PROS1: variants seen among roughly 807,000 people sequenced by gnomAD.
PROS1 encodes protein S.
A neutral mutation model predicts 75.9 loss-of-function variants in PROS1; 29 were observed. The ratio of observed to expected loss-of-function variants is 0.38; its 90% confidence interval spans 0.28 to 0.52. PROS1 has a LOEUF of 0.52. PROS1 is among the 20% of genes least tolerant of loss of function. The pLI is 0.83. For synonymous variants in PROS1, 245 were observed against 280.6 expected, an observed-to-expected ratio of 0.87 and a Z score of 1.27; for missense variants, 680 against 810.3, an observed-to-expected ratio of 0.84 and a Z score of 1.95.
At chr3:93,906,455 G>A (rs796506280) in intron 4 of PROS1, among the ~76,000 whole-genome samples, 24 of 152,288 alleles carry the variant, frequency 1.6e-4, no homozygotes, top group African/African-American at 4.8e-4. Context: ...CACACTCCCC[G>A]GATGCTGCTG....
At chr3:93,933,952 T>G (rs1709144034) in intron 1 of PROS1, among the ~76,000 whole-genome samples, 1 of 145,496 alleles carries the variant, frequency 6.9e-6, no homozygotes, top group Admixed American at 7.1e-5. Context: ...GAGGGTGCAG[T>G]GAGCTGAGAT....
At chr3:93,911,812 T>C (rs1354476776) in intron 3 of PROS1, among the ~76,000 whole-genome samples, 1 of 152,158 alleles carries the variant, frequency 6.6e-6, no homozygotes, top group Non-Finnish European at 1.5e-5. Flanking sequence ...TTCTATCATA[T>C]TCTGTTGATC....
intron 9 of PROS1, 74 bp downstream of exon 9, chr3:93,896,502 A>T: frequency 1.8e-6 from 2 of 1,112,430 alleles, no homozygotes; most frequent in Middle Eastern, 2.0e-4. Flanking sequence ...ACACACTTCA[A>T]ACCTTTTCGG....
At chr3:93,934,643 A>T (rs1709154828) in intron 1 of PROS1, among the ~76,000 whole-genome samples, 1 of 152,220 alleles carries the variant, frequency 6.6e-6, no homozygotes, top group African/African-American at 2.4e-5. Context: ...GTGGATAAAG[A>T]TTTAAATCCA....
intron 6 of PROS1, among the ~76,000 whole-genome samples, chr3:93,902,604 T>C (rs1456238374): frequency 6.6e-6 from 1 of 151,732 alleles, no homozygotes; most frequent in Non-Finnish European, 1.5e-5. Flanking sequence ...AAATACAAAA[T>C]TGGACAGGCG....
At chr3:93,898,046 T>C (rs1166039453) in intron 8 of PROS1, among the ~76,000 whole-genome samples, 4 of 152,172 alleles carry the variant, frequency 2.6e-5, no homozygotes, top group African/African-American at 9.6e-5. Context: ...TAAGGCATGA[T>C]CAAACTAGTC....
At chr3:93,894,954 G>A (rs116632366) in intron 9 of PROS1, among the ~76,000 whole-genome samples, 441 of 152,094 alleles carry the variant, frequency 2.9e-3, no homozygotes, top group African/African-American at 8.4e-3. Flanking sequence ...ACTATGAATC[G>A]TCAGTGAGAA....
At chr3:93,906,952 G>T (rs1341224557) in intron 4 of PROS1, among the ~76,000 whole-genome samples, 1 of 152,222 alleles carries the variant, frequency 6.6e-6, no homozygotes, top group Non-Finnish European at 1.5e-5. Context: ...GAGCTGAGGG[G>T]CATGCTGAGG....
At chr3:93,926,356 G>A (rs1228958513) in intron 2 of PROS1, among the ~76,000 whole-genome samples, 10 of 152,292 alleles carry the variant, frequency 6.6e-5, no homozygotes, top group Admixed American at 3.9e-4. Context: ...AGTGGGCCGG[G>A]CGCAGTGGCT....
intron 1 of PROS1, among the ~76,000 whole-genome samples, chr3:93,949,481 A>T (rs1709458478): frequency 1.3e-5 from 2 of 152,196 alleles, no homozygotes; most frequent in South Asian, 4.1e-4. Context: ...AATAGCAAAA[A>T]TGTCTGCATC....
chr3:93,918,303 A>G (rs1271160864), intron 3 of PROS1, among the ~76,000 whole-genome samples: 1 of 152,112 alleles, frequency 6.6e-6, no homozygotes, highest in Non-Finnish European at 1.5e-5. Context: ...TCGCTCTATC[A>G]ATCAGCAGGA....
rs199797185 is a variant in PROS1 at position 93,893,032 on chromosome 3, A to G, written c.1056T>C (p.Ile352=). ...ESIDHSAWLL[I]ALRGGKIEVQ... ...CTTCAATCTTTCCACCACGAAGTGC[A>G]ATCAGGAGCCACGCTGAGTGATCGA... is the stretch of plus-strand genomic sequence containing the variant. The change falls in exon 10 of 15, where the codon ATT becomes ATC. Residue 352 remains isoleucine (I), a synonymous_variant. Transcript: ENST00000394236. The G allele has an allele frequency of 1.9e-6, 3 of 1,614,000 alleles. No individual in the cohort carries two copies. In the South Asian group the frequency reaches 3.3e-5, roughly 18 times the overall value.
intron 1 of PROS1, among the ~76,000 whole-genome samples, chr3:93,962,721 C>A (rs1709725434): frequency 6.6e-6 from 1 of 152,164 alleles, no homozygotes; most frequent in African/African-American, 2.4e-5. Context: ...CCAAAGCTTT[C>A]ATTCCTTCCC....
chr3:93,884,633 T>C (rs1455107888), intron 12 of PROS1, 95 bp downstream of exon 12: 2 of 1,352,122 alleles, frequency 1.5e-6, no homozygotes, highest in Admixed American at 3.6e-5. Flanking sequence ...ACACAGTAGA[T>C]ACTCAATAAT....
intron 1 of PROS1, among the ~76,000 whole-genome samples, chr3:93,931,521 T>A (rs969360327): frequency 3.3e-5 from 5 of 152,222 alleles, no homozygotes; most frequent in African/African-American, 1.2e-4. Context: ...GTCTACCTAC[T>A]TTCCAAGAAT....
intron 12 of PROS1, among the ~76,000 whole-genome samples, chr3:93,883,595 AAAAAAAAG>A (rs1258461997): frequency 6.6e-6 from 1 of 151,588 alleles, no homozygotes; most frequent in African/African-American, 2.4e-5. Context: ...CTCAGTCTCA[AAAAAAAAG>A]AAAAAAAGAA....
chr3:93,919,630 C>T (rs1435062829), intron 3 of PROS1, among the ~76,000 whole-genome samples: 1 of 152,070 alleles, frequency 6.6e-6, no homozygotes, highest in Admixed American at 6.5e-5. Flanking sequence ...TTTATTATTT[C>T]ACCTTACAGC....
At chr3:93,910,002 A>C (rs935368908) in intron 4 of PROS1, among the ~76,000 whole-genome samples, 2 of 152,206 alleles carry the variant, frequency 1.3e-5, no homozygotes, top group African/African-American at 2.4e-5. Flanking sequence ...AGCACTTTAA[A>C]TTAGAGAAAA....
intron 1 of PROS1, among the ~76,000 whole-genome samples, chr3:93,943,158 C>G (rs567486236): frequency 6.6e-6 from 1 of 152,122 alleles, no homozygotes; most frequent in African/African-American, 2.4e-5. Flanking sequence ...AACCTTCATA[C>G]CCCTTACCAA....
Sources: gnomAD v4.1 joint callset for allele counts (sites outside exome capture counted in the v4.1 genomes callset) on GRCh38, gnomAD v4.1.1 for gene constraint, MANE v1.5 for transcripts, NCBI Gene and HGNC (gene_info 2026-07-23, HGNC 2026-07-21) for gene names.